Variants in NEURL1B observed in about 807,000 individuals in gnomAD.
NEURL1B encodes the protein E3 ubiquitin-protein ligase NEURL1B.
Under a neutral mutation model 37.4 loss-of-function variants are expected in NEURL1B, and 13 were observed. That is an observed-to-expected ratio of 0.35 (90% confidence interval 0.23 to 0.55). The LOEUF is 0.55. Among genes scored for constraint, NEURL1B ranks in the 20% least tolerant of loss-of-function variants. The pLI is 0.89. For synonymous variants in NEURL1B, 432 were observed against 426.6 expected (o/e 1.01, Z -0.16); for missense variants, 790 against 879.2 (o/e 0.90, Z 1.28).
At chr5:172,652,128 A>G (rs916499822) in intron 1 of NEURL1B, among the ~76,000 whole-genome samples, 1 of 152,240 alleles carries the variant, frequency 6.6e-6, no homozygotes, top group African/African-American at 2.4e-5. Context: ...CTTCCCTGTC[A>G]TGAGAGACAC....
In NEURL1B at chr5:172,664,652, T is replaced by A. The variant is rs114651087; in HGVS notation, c.32-5133T>A. The stretch of plus-strand genomic sequence containing the variant: ...AGTCCACCCTCCACATTTTTCTGTT[T>A]CTTATAGGAACCACTTGCCCTGAAC... On this transcript the variant is annotated intron_variant, in intron 1 of 4. Transcript: ENST00000369800. 2.1e-3 allele frequency among the ~76,000 whole-genome samples: 324 copies of A among 152,344 alleles called. 4 individuals are homozygous for A. Among genetic ancestry groups the A allele is most frequent in the African/African-American group, 7.5e-3 (310 of 41,568 alleles).
chr5:172,653,028 A>G (rs1002874291), intron 1 of NEURL1B, among the ~76,000 whole-genome samples: 4 of 152,178 alleles, frequency 2.6e-5, no homozygotes, highest in Admixed American at 2.6e-4. Flanking sequence ...GGTCCTTCCC[A>G]GGCTGGCTTG....
At chr5:172,666,022 C>T (rs929028373) in intron 1 of NEURL1B, among the ~76,000 whole-genome samples, 7 of 152,186 alleles carry the variant, frequency 4.6e-5, no homozygotes, top group African/African-American at 1.4e-4. Flanking sequence ...CTGTGCCAGT[C>T]CAGTGCCTGG....
rs570756671 is a variant in NEURL1B, at chr5:172,641,784, G to A, written c.31+347G>A. Among the ~76,000 whole-genome samples, 13 of 152,362 alleles carry A rather than the reference G, an allele frequency of 8.5e-5. No homozygotes were observed. In the South Asian group the frequency reaches 2.5e-3, roughly 29 times the overall value. On this transcript the variant is annotated intron_variant, in intron 1 of 4. Transcript: ENST00000369800. This position sits in a 1 kb window ranked among gnomAD's most constrained non-coding sequence, Gnocchi z 6.4. ...CAAACTCAAGGCGACCTGGGTGGGG[G>A]TGACTGGAGCCGGGCTCGCCAGGGC...
At position 172,683,904 on chromosome 5, in the gene NEURL1B, C is replaced by T. The variant is rs1328322412; in HGVS notation, c.1063C>T (p.Leu355=). Residue 355 remains leucine, a synonymous_variant, in exon 3 of 5, where the codon CTG becomes TTG. Transcript: ENST00000369800. This position sits in a 1 kb window ranked among gnomAD's most constrained non-coding sequence, Gnocchi z 5.6. ...CDPGVLRPNE[L]PADPDALLDR... is the part of the protein sequence containing the mutation. Reference sequence around the variant, plus strand: ...CCCGGGCGTGCTACGGCCCAACGAGCTGCCCGCCGACCCAGACGCGCTGCT... The same window carrying T: ...CCCGGGCGTGCTACGGCCCAACGAGTTGCCCGCCGACCCAGACGCGCTGCT... The T allele has an allele frequency of 8.5e-6, 12 of 1,415,114 alleles. No individual in the cohort carries two copies. The highest frequency in any genetic ancestry group is 1.5e-5 in the African/African-American group (1 of 66,734). 87.7% of individuals were successfully genotyped at this position (1,415,114 alleles called of 1,614,324 possible).
intron 1 of NEURL1B, among the ~76,000 whole-genome samples, chr5:172,645,052 G>A (rs567644052): frequency 1.3e-5 from 2 of 152,294 alleles, no homozygotes; most frequent in African/African-American, 2.4e-5. Flanking sequence ...CAGCTTTTTC[G>A]TATTAGCTCA....
chr5:172,687,264 AG>A lies in NEURL1B; in HGVS notation c.*343del, dbSNP rs1300745263. 1.4e-4 allele frequency: 18 copies of A among 127,886 alleles called. No individual in the cohort carries two copies. Among genetic ancestry groups the A allele is most frequent in the Admixed American group, 8.8e-4 (12 of 13,578 alleles). The allele number at this position is 127,886 out of a possible 1,614,324, so 7.9% of individuals were successfully genotyped here. On this transcript the variant is annotated 3_prime_UTR_variant, in exon 5 of 5. Transcript: ENST00000369800. ...GTTGGGTTGAGTGTGAGAGAAGGGG[AG>A]GGGAGGGAGGGAGAACAGAGAGAAT...
chr5:172,682,994 T>A (rs1758390535), intron 2 of NEURL1B, among the ~76,000 whole-genome samples: 1 of 152,240 alleles, frequency 6.6e-6, no homozygotes, highest in Admixed American at 6.5e-5. Context: ...AGTACAGGTT[T>A]GCTCTTTTTA....
intron 1 of NEURL1B, among the ~76,000 whole-genome samples, chr5:172,646,757 G>A (rs909119361): frequency 3.9e-5 from 6 of 152,114 alleles, no homozygotes; most frequent in Admixed American, 6.5e-5. Flanking sequence ...GAGGAGGTGC[G>A]CTCTGTCTAG....
rs550075964 is a variant in NEURL1B, at chr5:172,665,877, G to A, written c.32-3908G>A. 8.5e-5 allele frequency among the ~76,000 whole-genome samples: 13 copies of A among 152,252 alleles called. No individual in the cohort carries two copies. The highest frequency in any genetic ancestry group is 4.8e-5 in the African/African-American group (2 of 41,536). On this transcript the variant is annotated intron_variant, in intron 1 of 4. Coordinates refer to ENST00000369800, the MANE Select transcript of NEURL1B (RefSeq NM_001142651.3). This position sits in a 1 kb window ranked among gnomAD's most constrained non-coding sequence, Gnocchi z 4.1. ...GATGGTCTTTATCACGCCTGTTGTC[G>A]TTGGGCATTCAGCTGTGTGTCTGCT...
Position 172,683,138 on chromosome 5 carries a change from G to A in NEURL1B, c.578-281G>A, listed in dbSNP as rs941596959. Among the ~76,000 whole-genome samples, 1 of 152,186 alleles carries A rather than the reference G, an allele frequency of 6.6e-6. No individual in the cohort carries two copies. Among genetic ancestry groups the A allele is most frequent in the African/African-American group, 2.4e-5 (1 of 41,446 alleles). ...GGAGAGAAAAGGAGGGATGGAAGAA[G>A]AGAAAGGAGGAGGCAGGGGAAAAAG... On this transcript the variant is annotated intron_variant, in intron 2 of 4. Transcript: ENST00000369800. This position sits in a 1 kb window ranked among gnomAD's most constrained non-coding sequence, Gnocchi z 5.6.
intron 1 of NEURL1B, among the ~76,000 whole-genome samples, chr5:172,662,879 G>A (rs2113290273): frequency 6.6e-6 from 1 of 152,082 alleles, no homozygotes; most frequent in East Asian, 1.9e-4. Flanking sequence ...TTGACTAACT[G>A]CTGGAAAGAC....
chr5:172,669,788 C>A lies in NEURL1B; in HGVS notation c.35C>A (p.Pro12Gln). 1 of 1,266,054 alleles carries A rather than the reference C, an allele frequency of 7.9e-7. No individual in the cohort carries two copies. Among genetic ancestry groups the A allele is most frequent in the Non-Finnish European group, 1.0e-6 (1 of 997,596 alleles). The allele number at this position is 1,266,054 out of a possible 1,614,324, so 78.4% of individuals were successfully genotyped here. ...TGCTGCCTGTGTCTTTCCGCAGACCCGAGCCCACCGGCGCGCCTCCTGGCC... is the reference window on the plus strand; with the variant it reads ...TGCTGCCTGTGTCTTTCCGCAGACCAGAGCCCACCGGCGCGCCTCCTGGCC... Reference protein sequence around the residue: ...GNTVHRTLPDPSPPARLLATR... With the variant: ...GNTVHRTLPDQSPPARLLATR... The change falls in exon 2 of 5, where the codon CCG (proline) becomes CAG (glutamine). Residue 12 changes from proline to glutamine, a missense_variant. Pro to Gln is a moderately conservative substitution (Grantham distance 76). Around this residue, in one of 3 missense-constraint regions of NEURL1B, gnomAD observed 215 missense variants for 309.2 expected, o/e 0.70. Transcript: ENST00000369800.
chr5:172,648,753 C>A (rs747729973), intron 1 of NEURL1B, among the ~76,000 whole-genome samples: 3 of 152,230 alleles, frequency 2.0e-5, no homozygotes, highest in Non-Finnish European at 4.4e-5. Context: ...TCACCTAGTT[C>A]TTTTACTTTT....
intron 1 of NEURL1B, among the ~76,000 whole-genome samples, chr5:172,643,898 C>A (rs1401478707): frequency 6.6e-6 from 1 of 152,072 alleles, no homozygotes; most frequent in Non-Finnish European, 1.5e-5. Flanking sequence ...AAGGCTTCTG[C>A]ACTTCCTGAT....
chr5:172,681,381 T>C (rs923416517), intron 2 of NEURL1B, among the ~76,000 whole-genome samples: 27 of 152,222 alleles, frequency 1.8e-4, no homozygotes, highest in Admixed American at 1.4e-3. Flanking sequence ...ATAAATAAAA[T>C]GATACAGACA....
rs761378023 is a variant in NEURL1B at position 172,683,383 on chromosome 5, C to T, written c.578-36C>T. ...GCTCGCGACCAGCCTGACGCGCGGC[C>T]TCTCCCCCTCCATGTCCCTCCCTTT... On this transcript the variant is annotated intron_variant, in intron 2 of 4. Coordinates refer to ENST00000369800, the MANE Select transcript of NEURL1B (RefSeq NM_001142651.3). This position sits in a 1 kb window ranked among gnomAD's most constrained non-coding sequence, Gnocchi z 5.6. The T allele has an allele frequency of 7.0e-5, 90 of 1,285,476 alleles. No homozygotes were observed. The highest frequency in any genetic ancestry group is 7.9e-5 in the Non-Finnish European group (80 of 1,011,616). 79.6% of individuals were successfully genotyped at this position (1,285,476 alleles called of 1,614,324 possible).
intron 2 of NEURL1B, among the ~76,000 whole-genome samples, chr5:172,674,117 G>C (rs1419683245): frequency 6.6e-6 from 1 of 151,432 alleles, no homozygotes; most frequent in Non-Finnish European, 1.5e-5. Context: ...TCCAGCCTGG[G>C]TGCCAGAGCA....
intron 2 of NEURL1B, among the ~76,000 whole-genome samples, chr5:172,679,456 G>A (rs528156727): frequency 3.9e-5 from 6 of 152,178 alleles, no homozygotes; most frequent in Non-Finnish European, 8.8e-5. Flanking sequence ...ACGCTCCCTC[G>A]GTGCCTCTTG....
Sources: allele counts gnomAD v4.1 joint callset (sites outside exome capture counted in the v4.1 genomes callset), GRCh38; gene constraint gnomAD v4.1.1; regional missense constraint gnomAD v4.1.1; non-coding constraint Gnocchi (gnomAD v3.1); transcripts MANE v1.5; gene names NCBI Gene and HGNC (gene_info 2026-07-23, HGNC 2026-07-21).